Variants in NBEAL1 observed in about 807,000 individuals in gnomAD.
The protein encoded by NBEAL1 is neurobeachin like 1, also known as neurobeachin-like protein 1.
In NBEAL1, 273 loss-of-function variants were observed where a neutral mutation model predicts 351.3. The observed-to-expected ratio is 0.78, with a 90% CI of 0.70 to 0.86. The LOEUF is 0.86. NBEAL1 is among the 40% of genes least tolerant of loss of function. The pLI is 0.00. For missense variants in NBEAL1, 2,961 were observed against 3,201.3 expected, an observed-to-expected ratio of 0.92 and a Z score of 1.81; for synonymous variants, 1,050 against 1,086.4, an observed-to-expected ratio of 0.97 and a Z score of 0.66.
chr2:203,067,222 T>C (rs1336171047), intron 6 of NBEAL1, among the ~76,000 whole-genome samples: 3 of 152,268 alleles, frequency 2.0e-5, no homozygotes, highest in Non-Finnish European at 4.4e-5. Flanking sequence ...ATGAAAATCT[T>C]TGATAATGGT....
At position 203,108,020 on chromosome 2, in the gene NBEAL1, G is replaced by T; in HGVS notation, c.1781G>T (p.Ser594Ile). The T allele has an allele frequency of 6.4e-7, 1 of 1,554,042 alleles. No individual in the cohort carries two copies. The highest frequency in any genetic ancestry group is 8.7e-7 in the Non-Finnish European group (1 of 1,147,776). Residue 594 changes from serine (S) to isoleucine (I), a missense_variant, in exon 14 of 56, where the codon AGT becomes ATT. Ser to Ile is a moderately radical substitution (Grantham distance 142, BLOSUM62 -2). Transcript: ENST00000683969. Reference protein sequence around the residue: ...LTMARKLSLESALQYFNLSHS... With the variant: ...LTMARKLSLEIALQYFNLSHS... ...ATGGCCCGAAAACTAAGTCTAGAGA[G>T]TGCCCTCCAGTATTTCAATTTGTCA...
At chr2:203,032,099 A>G (rs2060958046) in intron 2 of NBEAL1, among the ~76,000 whole-genome samples, 1 of 152,198 alleles carries the variant, frequency 6.6e-6, no homozygotes, top group African/African-American at 2.4e-5. Flanking sequence ...CATCTTGTAA[A>G]GAATAGAAGG....
intron 54 of NBEAL1, among the ~76,000 whole-genome samples, chr2:203,213,017 G>T (rs1331695311): frequency 3.9e-5 from 6 of 152,094 alleles, no homozygotes; most frequent in Non-Finnish European, 1.5e-5. Context: ...GAACACTAAG[G>T]ATAAAAATCT....
chr2:203,125,587 A>G (rs2062919254), intron 20 of NBEAL1, 67 bp downstream of exon 20: 3 of 1,312,536 alleles, frequency 2.3e-6, no homozygotes, highest in Non-Finnish European at 3.0e-6. Flanking sequence ...AAATAAATGA[A>G]AATGTTTTAC....
chr2:203,122,325 A>C lies in NBEAL1; in HGVS notation c.2664A>C (p.Val888=). The change falls in exon 19 of 56, where the codon GTA becomes GTC. Residue 888 remains valine (V), a synonymous_variant. Coordinates refer to ENST00000683969, the MANE Select transcript of NBEAL1 (RefSeq NM_001378026.1). Reference sequence around the variant, plus strand: ...ATGGAAGATTAACAGGAAACAAAGTAGTGAACTGGGACATTAAGGTAAATT... The same window carrying C: ...ATGGAAGATTAACAGGAAACAAAGTCGTGAACTGGGACATTAAGGTAAATT... ...CLHGRLTGNK[V]VNWDIKDIIN... is the part of the protein sequence containing the mutation. 1 of 1,537,328 alleles carries C rather than the reference A, an allele frequency of 6.5e-7. No individual in the cohort carries two copies. Among genetic ancestry groups the C allele is most frequent in the Non-Finnish European group, 8.8e-7 (1 of 1,137,416 alleles).
chr2:203,207,349 C>T (rs1424291901), intron 51 of NBEAL1, among the ~76,000 whole-genome samples: 11 of 152,178 alleles, frequency 7.2e-5, no homozygotes, highest in East Asian at 3.9e-4. Flanking sequence ...CGCCTCTGCC[C>T]GGCCGCCCCT....
At chr2:203,216,232 C>T (rs2065894013) in intron 55 of NBEAL1, among the ~76,000 whole-genome samples, 1 of 152,110 alleles carries the variant, frequency 6.6e-6, no homozygotes. Flanking sequence ...AAATGCAATT[C>T]CTGCCTTCAA....
chr2:203,157,714 A>G lies in NBEAL1; in HGVS notation c.5603A>G (p.Gln1868Arg). 2.5e-6 allele frequency: 4 copies of G among 1,592,178 alleles called. No individual in the cohort carries two copies. Among genetic ancestry groups the G allele is most frequent in the African/African-American group, 1.4e-5 (1 of 73,958 alleles). Residue 1868 changes from glutamine (Q) to arginine (R), a missense_variant, in exon 36 of 56, where the codon CAG (glutamine) becomes CGG (arginine). Gln to Arg is a conservative substitution (Grantham distance 43). Transcript: ENST00000683969. ...LRDNLGIQHSQPSSDTLLLEV... is the reference protein window; with the variant it reads ...LRDNLGIQHSRPSSDTLLLEV... ...TTTAAAACAGGTATCCAACACTCAC[A>G]GCCTTCCAGTGATACATTGCTTTTG...
chr2:203,157,857 T>C (rs752422681), intron 36 of NBEAL1, 32 bp downstream of exon 36: 1 of 1,447,524 alleles, frequency 6.9e-7, no homozygotes, highest in South Asian at 1.6e-5. Flanking sequence ...TATTTTGTTC[T>C]GAGAAAGGGG....
chr2:203,068,088 A>C (rs1035105884), intron 6 of NBEAL1, among the ~76,000 whole-genome samples: 1 of 152,214 alleles, frequency 6.6e-6, no homozygotes, highest in African/African-American at 2.4e-5. Context: ...TCAGTTTAGC[A>C]TTACTGCAGA....
chr2:203,076,328 A>G (rs2061770560), intron 7 of NBEAL1, among the ~76,000 whole-genome samples: 1 of 151,902 alleles, frequency 6.6e-6, no homozygotes, highest in South Asian at 2.1e-4. Context: ...GCAAAAAAAT[A>G]CAAAAAATTA....
chr2:203,163,234 CCTGGATACCATTACT>C (rs1252242505), intron 36 of NBEAL1, among the ~76,000 whole-genome samples: 1 of 152,090 alleles, frequency 6.6e-6, no homozygotes, highest in Non-Finnish European at 1.5e-5. Flanking sequence ...AGGTGAAAAA[CCTGGATACCATTACT>C]CTGAATAAGC....
intron 2 of NBEAL1, among the ~76,000 whole-genome samples, chr2:203,029,879 T>G (rs2060923513): frequency 6.6e-6 from 1 of 152,164 alleles, no homozygotes; most frequent in African/African-American, 2.4e-5. Context: ...TCATTAAAAT[T>G]TTTGCCTTCT....
rs533097851 is a variant in NBEAL1, at chr2:203,180,275, C to T, written c.6465-107C>T. 1,006 of 908,678 alleles carry T rather than the reference C, an allele frequency of 1.1e-3. 5 individuals are homozygous for T. Among genetic ancestry groups the T allele is most frequent in the Admixed American group, 1.6e-3 (63 of 40,178 alleles). The allele number at this position is 908,678 out of a possible 1,614,324, so 56.3% of individuals were successfully genotyped here. A position where few individuals can be genotyped will look rare whatever the true frequency, so the allele number is the denominator to read the frequency against. On this transcript the variant is annotated intron_variant, in intron 42 of 55. Transcript: ENST00000683969. Reference sequence around the variant, plus strand: ...GGCATTAAAGAGGAGATTCAGAAAACAGTACCTCTAATCATTAGGAACCCT... The same window carrying T: ...GGCATTAAAGAGGAGATTCAGAAAATAGTACCTCTAATCATTAGGAACCCT...
chr2:203,033,190 C>T (rs1168296303), intron 2 of NBEAL1, among the ~76,000 whole-genome samples: 1 of 151,830 alleles, frequency 6.6e-6, no homozygotes, highest in Non-Finnish European at 1.5e-5. Flanking sequence ...TTAGTAGAAA[C>T]GAGGTTTCAC....
At chr2:203,208,784 A>C in intron 52 of NBEAL1, 31 bp downstream of exon 52, 1 of 1,469,546 alleles carries the variant, frequency 6.8e-7, no homozygotes, top group Non-Finnish European at 9.3e-7. Flanking sequence ...AATACTATTT[A>C]TTTTGTCTAC....
At chr2:203,118,023 A>G (rs991136929) in intron 18 of NBEAL1, among the ~76,000 whole-genome samples, 1 of 152,106 alleles carries the variant, frequency 6.6e-6, no homozygotes, top group Non-Finnish European at 1.5e-5. Flanking sequence ...TATCTGACCT[A>G]ATAAAATTTG....
At chr2:203,020,841 C>T (rs2060759030) in intron 2 of NBEAL1, among the ~76,000 whole-genome samples, 1 of 152,100 alleles carries the variant, frequency 6.6e-6, no homozygotes, top group South Asian at 2.1e-4. Flanking sequence ...GATTTTAGTT[C>T]AGTAGTTAAC....
intron 11 of NBEAL1, among the ~76,000 whole-genome samples, chr2:203,098,261 T>C (rs1448446920): frequency 6.6e-6 from 1 of 152,210 alleles, no homozygotes; most frequent in Non-Finnish European, 1.5e-5. Flanking sequence ...ATTTTTCTCT[T>C]CCAAAATATT....
Sources: allele counts gnomAD v4.1 joint callset (sites outside exome capture counted in the v4.1 genomes callset), GRCh38; gene constraint gnomAD v4.1.1; transcripts MANE v1.5; gene names NCBI Gene and HGNC (gene_info 2026-07-23, HGNC 2026-07-21).